The following ZC3HAV1 variants were observed in gnomAD, a reference collection of about 807,000 sequenced individuals.
The protein encoded by ZC3HAV1 is zinc finger CCCH-type containing, antiviral 1, also known as zinc finger CCCH-type antiviral protein 1.
ZC3HAV1 carries 41 observed loss-of-function variants against 86.6 expected under a neutral mutation model. That is an observed-to-expected ratio of 0.47 (90% confidence interval 0.37 to 0.61). The LOEUF (loss-of-function observed/expected upper bound fraction) is 0.61, where lower values mean the gene tolerates loss of function less well. Among genes scored for constraint, ZC3HAV1 ranks in the 20% least tolerant of loss-of-function variants. The probability of loss-of-function intolerance (pLI) is 0.00; values close to 1 mark genes in which losing one functional copy is unlikely to be tolerated. For missense variants in ZC3HAV1, 964 were observed against 1,141.1 expected (o/e 0.84, Z 2.24); for synonymous variants, 421 against 432.1 (o/e 0.97, Z 0.32).
In ZC3HAV1 at chr7:139,079,581, G is replaced by A; in HGVS notation, c.1360C>T (p.His454Tyr). ...SLNYKSTSSG[H>Y]REISSPRIQD... Reference sequence around the variant, plus strand: ...ATCCTAGGTGATGATATTTCTCTGTGACCGCTGCTAGTGCTTTTGTAATTT... The same window carrying A: ...ATCCTAGGTGATGATATTTCTCTGTAACCGCTGCTAGTGCTTTTGTAATTT... Residue 454 changes from histidine (H) to tyrosine (Y), a missense_variant, in exon 4 of 13, where the codon CAC (histidine) becomes TAC (tyrosine). By Grantham distance (83) the His-to-Tyr change is moderately conservative. Coordinates refer to ENST00000242351, the MANE Select transcript of ZC3HAV1 (RefSeq NM_020119.4). 6.2e-7 allele frequency: 1 copy of A among 1,614,162 alleles called. No individual in the cohort carries two copies. Among genetic ancestry groups the A allele is most frequent in the Non-Finnish European group, 8.5e-7 (1 of 1,180,038 alleles).
intron 6 of ZC3HAV1, among the ~76,000 whole-genome samples, chr7:139,074,706 TG>T (rs1301669274): frequency 6.6e-6 from 1 of 151,734 alleles, no homozygotes; most frequent in African/African-American, 2.4e-5. Flanking sequence ...GTTATATACC[TG>T]GGTATGTATA....
chr7:139,066,392 T>C (rs997791946), intron 7 of ZC3HAV1, among the ~76,000 whole-genome samples: 1 of 152,130 alleles, frequency 6.6e-6, no homozygotes, highest in Non-Finnish European at 1.5e-5. Context: ...CTGGGTCTCT[T>C]TATCCTGGAG....
chr7:139,081,619 T>C (rs542110604), intron 3 of ZC3HAV1, among the ~76,000 whole-genome samples: 5 of 152,356 alleles, frequency 3.3e-5, no homozygotes, highest in African/African-American at 1.2e-4. Context: ...TATTTCTTCA[T>C]TACATTATCC....
chr7:139,073,630 A>G (rs1421181331), intron 7 of ZC3HAV1, among the ~76,000 whole-genome samples: 1 of 152,098 alleles, frequency 6.6e-6, no homozygotes, highest in Non-Finnish European at 1.5e-5. Context: ...AGCGGGGATT[A>G]TAGGCGCCTG....
intron 2 of ZC3HAV1, among the ~76,000 whole-genome samples, chr7:139,087,672 G>A (rs1485128005): frequency 6.6e-6 from 1 of 152,066 alleles, no homozygotes; most frequent in Non-Finnish European, 1.5e-5. Context: ...GAAACACACT[G>A]AGTTCAGAGT....
intron 3 of ZC3HAV1, among the ~76,000 whole-genome samples, chr7:139,080,492 C>G (rs984214667): frequency 6.6e-6 from 1 of 152,048 alleles, no homozygotes; most frequent in South Asian, 2.1e-4. Flanking sequence ...TGCAGTGGCC[C>G]GACCACAGCT....
At chr7:139,085,541 C>A (rs994508053) in intron 2 of ZC3HAV1, among the ~76,000 whole-genome samples, 1 of 152,192 alleles carries the variant, frequency 6.6e-6, no homozygotes, top group African/African-American at 2.4e-5. Context: ...CTTGCAGGTG[C>A]TTTTAAATGT....
chr7:139,093,786 G>A (rs2130725070), intron 1 of ZC3HAV1, among the ~76,000 whole-genome samples: 1 of 152,290 alleles, frequency 6.6e-6, no homozygotes, highest in Non-Finnish European at 1.5e-5. Context: ...CACAAAGCCT[G>A]TTTGGTGGTC....
chr7:139,068,291 C>T (rs761892308), intron 7 of ZC3HAV1, among the ~76,000 whole-genome samples: 17 of 151,938 alleles, frequency 1.1e-4, no homozygotes, highest in Non-Finnish European at 1.6e-4. Flanking sequence ...AATTTCTGAC[C>T]TCAAGTGATC....
intron 6 of ZC3HAV1, 23 bp downstream of exon 6, chr7:139,076,263 C>T: frequency 5.0e-6 from 8 of 1,614,006 alleles, no homozygotes; most frequent in East Asian, 2.2e-5. Context: ...CTCTTGAAAG[C>T]CAGAGTACAG....
intron 1 of ZC3HAV1, among the ~76,000 whole-genome samples, chr7:139,093,102 T>C (rs1168135630): frequency 2.6e-5 from 4 of 152,200 alleles, no homozygotes; most frequent in African/African-American, 9.7e-5. Context: ...CCTATGTTAT[T>C]TAATTTAGTA....
intron 8 of ZC3HAV1, among the ~76,000 whole-genome samples, chr7:139,061,640 C>G (rs1158488465): frequency 6.6e-6 from 1 of 152,200 alleles, no homozygotes; most frequent in Non-Finnish European, 1.5e-5. Flanking sequence ...GAAACCACCA[C>G]GTTGGAAAAC....
chr7:139,061,727 G>C (rs1420698041), intron 8 of ZC3HAV1, among the ~76,000 whole-genome samples: 4 of 152,190 alleles, frequency 2.6e-5, no homozygotes, highest in Non-Finnish European at 5.9e-5. Flanking sequence ...ATTTACCCAA[G>C]AGAAATGAAA....
chr7:139,054,286 G>A (rs1160533742), intron 10 of ZC3HAV1, among the ~76,000 whole-genome samples, 191 bp from the exon 11 acceptor site: 1 of 152,200 alleles, frequency 6.6e-6, no homozygotes, highest in Non-Finnish European at 1.5e-5. Flanking sequence ...CAGCGGGCCT[G>A]TCTGTCCAGG....
At position 139,073,836 on chromosome 7, in the gene ZC3HAV1, C is replaced by T. The variant is rs1032105281; in HGVS notation, c.1872+20G>A. The stretch of plus-strand genomic sequence containing the variant: ...GACAAGTTTAAACAAGAGCCCCCTA[C>T]AAGGAGGAACAGTGCTCACCTCTTC... On this transcript the variant is annotated intron_variant, in intron 7 of 12. Coordinates refer to ENST00000242351, the MANE Select transcript of ZC3HAV1 (RefSeq NM_020119.4). The T allele has an allele frequency of 2.5e-6, 4 of 1,586,662 alleles. No individual in the cohort carries two copies. In the African/African-American group the frequency reaches 4.1e-5, roughly 16 times the overall value.
At position 139,045,983 on chromosome 7, in the gene ZC3HAV1, A is replaced by G. The variant is rs1815946241; in HGVS notation, c.*1611T>C. On this transcript the variant is annotated 3_prime_UTR_variant, in exon 13 of 13. Transcript: ENST00000242351. ...GTTGTGGAGATCTCTGTGATGATCC[A>G]AAATCTGACTAATATAAAATCAACT... 7.2e-6 allele frequency: 1 copy of G among 139,608 alleles called. No individual in the cohort carries two copies. The highest frequency in any genetic ancestry group is 2.3e-4 in the South Asian group (1 of 4,390). The allele number at this position is 139,608 out of a possible 1,614,324, so 8.6% of individuals were successfully genotyped here.
chr7:139,058,510 T>G (rs1584841489), intron 9 of ZC3HAV1, among the ~76,000 whole-genome samples: 4 of 127,464 alleles, frequency 3.1e-5, no homozygotes, highest in East Asian at 2.8e-4. Context: ...TTGAGGTTGG[T>G]GGGGAGGGAG....
At chr7:139,075,736 G>A (rs1584855330) in intron 6 of ZC3HAV1, among the ~76,000 whole-genome samples, 1 of 147,272 alleles carries the variant, frequency 6.8e-6, no homozygotes, top group African/African-American at 2.5e-5. Flanking sequence ...AACCACGCTC[G>A]GCCAGAAGCA....
chr7:139,101,196 C>G (rs988492295), intron 1 of ZC3HAV1, among the ~76,000 whole-genome samples: 1 of 151,912 alleles, frequency 6.6e-6, no homozygotes, highest in South Asian at 2.1e-4. Context: ...CTAGCTACAA[C>G]CTCCACCTCC....
Sources: allele counts gnomAD v4.1 joint callset (sites outside exome capture counted in the v4.1 genomes callset), GRCh38; gene constraint gnomAD v4.1.1; transcripts MANE v1.5; gene names NCBI Gene and HGNC (gene_info 2026-07-23, HGNC 2026-07-21).